ZFAT: variants seen among roughly 807,000 people sequenced by gnomAD.
ZFAT encodes zinc finger and AT-hook domain containing, also known as zinc finger protein ZFAT.
A neutral mutation model predicts 117.7 loss-of-function variants in ZFAT; 64 were observed. The ratio of observed to expected loss-of-function variants is 0.54; its 90% CI spans 0.44 to 0.67. ZFAT has a LOEUF of 0.67. Ranked by LOEUF, ZFAT falls within the 30% of genes least tolerant of loss-of-function variation. The pLI, the probability that ZFAT is intolerant of heterozygous loss-of-function variation, is 0.00. For synonymous variants in ZFAT, 679 were observed against 615.0 expected, an observed-to-expected ratio of 1.10 and a Z score of -1.54; for missense variants, 1,433 against 1,584.5, an observed-to-expected ratio of 0.90 and a Z score of 1.62.
At chr8:134,696,125 C>T (rs939316334) in intron 1 of ZFAT, among the ~76,000 whole-genome samples, 1 of 152,096 alleles carries the variant, frequency 6.6e-6, no homozygotes, top group Non-Finnish European at 1.5e-5. Flanking sequence ...ACAGGCACCA[C>T]CCTAAGGCCC....
At chr8:134,619,237 CTATTT>C (rs1828947159) in intron 3 of ZFAT, among the ~76,000 whole-genome samples, 1 of 151,618 alleles carries the variant, frequency 6.6e-6, no homozygotes, top group East Asian at 1.9e-4. Flanking sequence ...CACACAAAGC[CTATTT>C]TATAATAATA....
chr8:134,827,982 C>T, the ZFAT span, among the ~76,000 whole-genome samples: 324 of 152,234 alleles, frequency 2.1e-3, 2 homozygotes, highest in African/African-American at 7.5e-3. Context: ...ACTAGCCTCA[C>T]GTATCTTGGC....
At chr8:134,541,695 A>G (rs186596089) in intron 11 of ZFAT, among the ~76,000 whole-genome samples, 18 of 152,372 alleles carry the variant, frequency 1.2e-4, no homozygotes, top group Non-Finnish European at 2.4e-4. Flanking sequence ...TCTGAGTTTG[A>G]GGAATGACAA....
At chr8:134,779,421 AT>A in the ZFAT span, among the ~76,000 whole-genome samples, 1 of 151,680 alleles carries the variant, frequency 6.6e-6, no homozygotes, top group South Asian at 2.1e-4. Context: ...AAACGTACTT[AT>A]TTCGCAGCTC....
intron 1 of ZFAT, among the ~76,000 whole-genome samples, chr8:134,666,279 A>G (rs1162746927): frequency 3.9e-5 from 6 of 152,182 alleles, no homozygotes; most frequent in Non-Finnish European, 8.8e-5. Context: ...CCCCATTGGC[A>G]GTAACAAGGC....
chr8:134,699,138 G>A (rs372310573), intron 1 of ZFAT, among the ~76,000 whole-genome samples: 1 of 151,838 alleles, frequency 6.6e-6, no homozygotes, highest in Non-Finnish European at 1.5e-5. Flanking sequence ...CCCCCTCCCC[G>A]CATTGCGTAG....
At chr8:134,640,616 G>A (rs1449548000) in intron 2 of ZFAT, among the ~76,000 whole-genome samples, 1 of 152,170 alleles carries the variant, frequency 6.6e-6, no homozygotes, top group African/African-American at 2.4e-5. Flanking sequence ...AAATCTGGGT[G>A]AATTAAACTG....
chr8:134,546,878 C>A (rs931513757), intron 11 of ZFAT, among the ~76,000 whole-genome samples: 1 of 152,178 alleles, frequency 6.6e-6, no homozygotes, highest in South Asian at 2.1e-4. Flanking sequence ...ACAGTTTACA[C>A]AAAGAACAGT....
At chr8:134,648,299 A>G (rs973324948) in intron 2 of ZFAT, among the ~76,000 whole-genome samples, 1 of 151,920 alleles carries the variant, frequency 6.6e-6, no homozygotes, top group Admixed American at 6.6e-5. Flanking sequence ...ATACAAGCAG[A>G]AGGACAGAAA....
At chr8:134,574,958 C>T (rs1334877290) in intron 10 of ZFAT, among the ~76,000 whole-genome samples, 1 of 151,788 alleles carries the variant, frequency 6.6e-6, no homozygotes, top group Non-Finnish European at 1.5e-5. Flanking sequence ...TTAACTATTG[C>T]ACTGTGCCTT....
the ZFAT span, among the ~76,000 whole-genome samples, chr8:134,825,767 T>C: frequency 6.6e-6 from 1 of 152,186 alleles, no homozygotes; most frequent in African/African-American, 2.4e-5. Context: ...ATGCCTGTAA[T>C]CCCAGCACTT....
the ZFAT span, among the ~76,000 whole-genome samples, chr8:134,817,436 C>CACACACACACACACACA: frequency 1.6e-5 from 2 of 126,838 alleles, no homozygotes; most frequent in African/African-American, 3.3e-5. Flanking sequence ...CACACACACA[C>CACACACACACACACACA]AACGCACCCT....
At chr8:134,498,360 C>G (rs71528355) in intron 15 of ZFAT, among the ~76,000 whole-genome samples, 6,350 of 38,012 alleles carry the variant, frequency 0.17, no homozygotes, top group East Asian at 0.36. Flanking sequence ...GTTACACACA[C>G]AGCCTGATTT....
intron 10 of ZFAT, among the ~76,000 whole-genome samples, chr8:134,572,005 T>G (rs1201236646): frequency 2.0e-5 from 3 of 152,164 alleles, no homozygotes; most frequent in Admixed American, 1.3e-4. Context: ...AAAGTTTACA[T>G]GCAAGAAAGA....
rs138980943 is a variant in ZFAT at position 134,630,596 on chromosome 8, AC to A, written c.448+6864del. ...TTCACAACTCTCCTTGCCTAAGATG[AC>A]CCCAGAAATAACAAGCTTAGAAAAG... On this transcript the variant is annotated intron_variant, in intron 3 of 15. Coordinates refer to ENST00000377838, the MANE Select transcript of ZFAT (RefSeq NM_020863.4). Among the ~76,000 whole-genome samples, 274 of 152,302 alleles carry A rather than the reference AC, an allele frequency of 1.8e-3. 1 individual carries two copies. Among genetic ancestry groups the A allele is most frequent in the African/African-American group, 6.3e-3 (262 of 41,560 alleles).
At chr8:134,484,838 C>T (rs1024895569) in intron 15 of ZFAT, among the ~76,000 whole-genome samples, 4 of 152,158 alleles carry the variant, frequency 2.6e-5, no homozygotes, top group Non-Finnish European at 5.9e-5. Context: ...CCCTGTCACC[C>T]AGGCTGGAGT....
chr8:134,608,505 C>T (rs1185048622), intron 5 of ZFAT, among the ~76,000 whole-genome samples: 5 of 152,156 alleles, frequency 3.3e-5, no homozygotes, highest in Admixed American at 2.0e-4. Flanking sequence ...AGTTGGTGCT[C>T]AGTTCTAAAA....
the ZFAT span, among the ~76,000 whole-genome samples, chr8:134,815,823 C>T: frequency 6.6e-6 from 1 of 152,222 alleles, no homozygotes; most frequent in Non-Finnish European, 1.5e-5. Context: ...ACTACTTAGT[C>T]TGAAGTGGGC....
intron 13 of ZFAT, among the ~76,000 whole-genome samples, chr8:134,513,689 T>G (rs899523002): frequency 3.3e-5 from 5 of 152,130 alleles, no homozygotes; most frequent in African/African-American, 1.2e-4. Flanking sequence ...AGCAAAACTG[T>G]AAGGCTGGAT....
Sources: gnomAD v4.1 joint callset for allele counts (sites outside exome capture counted in the v4.1 genomes callset) on GRCh38, gnomAD v4.1.1 for gene constraint, MANE v1.5 for transcripts, NCBI Gene and HGNC (gene_info 2026-07-23, HGNC 2026-07-21) for gene names.